Variants in ASZ1 observed in about 807,000 individuals in gnomAD.
The protein encoded by ASZ1 is ankyrin repeat, SAM and basic leucine zipper domain containing 1, also known as ankyrin repeat, SAM and basic leucine zipper domain-containing protein 1.
ASZ1 carries 67 observed loss-of-function variants against 61.8 expected under a neutral mutation model. That is an observed-to-expected ratio of 1.08 (90% CI 0.89 to 1.33). ASZ1 has a LOEUF of 1.33. Among genes scored for constraint, ASZ1 ranks in the 40% most tolerant of loss-of-function variants. ASZ1 has a pLI of 0.00. For missense variants in ASZ1, 577 were observed against 554.5 expected (o/e 1.04, Z -0.41); for synonymous variants, 193 against 192.7 (o/e 1.00, Z -0.01).
intron 7 of ASZ1, among the ~76,000 whole-genome samples, chr7:117,382,679 A>G (rs944899641): frequency 3.9e-5 from 6 of 152,264 alleles, no homozygotes; most frequent in Middle Eastern, 3.4e-3. Context: ...CTGTACTAAA[A>G]ATAATTAGAA....
intron 4 of ASZ1, among the ~76,000 whole-genome samples, chr7:117,407,064 G>A (rs1015017797): frequency 2.0e-5 from 3 of 151,858 alleles, no homozygotes; most frequent in Non-Finnish European, 4.4e-5. Flanking sequence ...ATGAAACACC[G>A]ATCAGTGTGC....
chr7:117,407,408 GT>G (rs1255093940), intron 4 of ASZ1, among the ~76,000 whole-genome samples: 1 of 148,840 alleles, frequency 6.7e-6, no homozygotes, highest in Non-Finnish European at 1.5e-5. Context: ...GAACACGGAA[GT>G]AAAAAAAAAA....
chr7:117,409,275 G>T (rs73213830), intron 4 of ASZ1, among the ~76,000 whole-genome samples: 3 of 152,068 alleles, frequency 2.0e-5, no homozygotes, highest in Non-Finnish European at 2.9e-5. Flanking sequence ...GTGAACCACA[G>T]TTTTGATATG....
At chr7:117,422,502 A>G in intron 2 of ASZ1, 143 bp from the exon 3 acceptor site, 1 of 910,926 alleles carries the variant, frequency 1.1e-6, no homozygotes, top group Non-Finnish European at 1.6e-6. Context: ...GCTTCCAAAA[A>G]ATACAAAATA....
intron 4 of ASZ1, among the ~76,000 whole-genome samples, chr7:117,411,860 A>C (rs895896955): frequency 1.3e-5 from 2 of 151,876 alleles, no homozygotes; most frequent in African/African-American, 4.8e-5. Context: ...TTCATAAGAC[A>C]GTACTCTTAA....
At chr7:117,384,108 A>G (rs1380248375) in intron 6 of ASZ1, among the ~76,000 whole-genome samples, 1 of 152,118 alleles carries the variant, frequency 6.6e-6, no homozygotes, top group Non-Finnish European at 1.5e-5. Flanking sequence ...TTATAATTGT[A>G]CTATACTTGA....
At chr7:117,394,003 G>A (rs1206109756) in intron 4 of ASZ1, among the ~76,000 whole-genome samples, 2 of 152,122 alleles carry the variant, frequency 1.3e-5, no homozygotes, top group African/African-American at 2.4e-5. Context: ...GAAAAGAGAT[G>A]TTTACTTTTA....
Position 117,388,071 on chromosome 7 carries a change from C to A in ASZ1, c.441-2262G>T, listed in dbSNP as rs192918429. ...CAGTTTAGATGAAATGGATAAATTT[C>A]TCAAAATACACAAGCTACCACAGCT... On this transcript the variant is annotated intron_variant, in intron 4 of 12. Transcript: ENST00000284629. Among the ~76,000 whole-genome samples the A allele has an allele frequency of 3.9e-5, 6 of 152,258 alleles. No homozygotes were observed. The East Asian group carries it at 1.2e-3, about 29-fold the overall frequency.
chr7:117,393,115 G>A (rs2116487744), intron 4 of ASZ1, among the ~76,000 whole-genome samples: 1 of 151,830 alleles, frequency 6.6e-6, no homozygotes, highest in African/African-American at 2.4e-5. Context: ...CCAAAGTGCT[G>A]GGATTACAAG....
At chr7:117,367,771 T>G in intron 11 of ASZ1, 1 of 955,906 alleles carries the variant, frequency 1.0e-6, no homozygotes, top group Non-Finnish European at 1.3e-6. Context: ...CTCATATTAA[T>G]TGATGTTATA....
intron 4 of ASZ1, among the ~76,000 whole-genome samples, chr7:117,403,320 C>T (rs2116505082): frequency 6.6e-6 from 1 of 152,244 alleles, no homozygotes; most frequent in South Asian, 2.1e-4. Context: ...GTTGTATGGG[C>T]TGTGCACTAC....
chr7:117,368,143 T>A (rs1163202326), intron 11 of ASZ1: 2 of 640,686 alleles, frequency 3.1e-6, no homozygotes, highest in African/African-American at 4.0e-5. Flanking sequence ...CTCAGGCTGG[T>A]CTCAAACTCC....
chr7:117,392,022 C>T (rs1326558139), intron 4 of ASZ1, among the ~76,000 whole-genome samples: 2 of 152,052 alleles, frequency 1.3e-5, no homozygotes, highest in Admixed American at 6.5e-5. Context: ...GAACTGCTGC[C>T]GTCAGGTGAT....
intron 4 of ASZ1, among the ~76,000 whole-genome samples, chr7:117,419,065 T>G (rs1036622051): frequency 6.6e-6 from 1 of 152,194 alleles, no homozygotes; most frequent in African/African-American, 2.4e-5. Flanking sequence ...TCACACTAGA[T>G]CAGGGTTTCT....
intron 4 of ASZ1, among the ~76,000 whole-genome samples, chr7:117,388,634 G>A (rs1796404383): frequency 6.6e-6 from 1 of 152,064 alleles, no homozygotes; most frequent in South Asian, 2.1e-4. Context: ...GAATAGATGA[G>A]AACTTCCTCA....
At chr7:117,422,751 C>T (rs888759641) in intron 2 of ASZ1, among the ~76,000 whole-genome samples, 32 of 152,054 alleles carry the variant, frequency 2.1e-4, no homozygotes, top group African/African-American at 7.5e-4. Flanking sequence ...GTTGAAAATA[C>T]CACATATATC....
intron 12 of ASZ1, among the ~76,000 whole-genome samples, chr7:117,366,778 G>A (rs1288914176): frequency 1.3e-5 from 2 of 151,968 alleles, no homozygotes; most frequent in African/African-American, 2.4e-5. Context: ...ATCCACAATC[G>A]TGTCTCTTTA....
chr7:117,374,613 T>C (rs1279663503), intron 10 of ASZ1, among the ~76,000 whole-genome samples: 1 of 151,906 alleles, frequency 6.6e-6, no homozygotes, highest in African/African-American at 2.4e-5. Flanking sequence ...TACGTTGAAA[T>C]AAAAAACAGT....
chr7:117,406,111 G>A (rs2116510295), intron 4 of ASZ1, among the ~76,000 whole-genome samples: 1 of 152,334 alleles, frequency 6.6e-6, no homozygotes, highest in South Asian at 2.1e-4. Flanking sequence ...AGTTAATGCT[G>A]TCGGGCATAG....
Sources: allele counts gnomAD v4.1 joint callset (sites outside exome capture counted in the v4.1 genomes callset), GRCh38; gene constraint gnomAD v4.1.1; transcripts MANE v1.5; gene names NCBI Gene and HGNC (gene_info 2026-07-23, HGNC 2026-07-21).